The following ITGAL variants were observed in gnomAD, a reference collection of about 807,000 sequenced individuals.
ITGAL encodes integrin alpha-L.
Under a neutral mutation model 138.4 loss-of-function variants are expected in ITGAL, and 68 were observed. The ratio of observed to expected loss-of-function variants is 0.49; its 90% CI spans 0.40 to 0.60. The LOEUF (loss-of-function observed/expected upper bound fraction) is 0.60. Ranked by LOEUF, ITGAL falls within the 20% of genes least tolerant of loss-of-function variation. The pLI, the probability that ITGAL is intolerant of heterozygous loss-of-function variation, is 0.00. For synonymous variants in ITGAL, 561 were observed against 584.3 expected (o/e 0.96, Z 0.57); for missense variants, 1,256 against 1,478.6 (o/e 0.85, Z 2.47).
At chr16:30,499,028 T>A in intron 15 of ITGAL, 46 bp from the exon 16 acceptor site, 1 of 1,585,260 alleles carries the variant, frequency 6.3e-7, no homozygotes, top group Non-Finnish European at 8.6e-7. Context: ...AGGGGGGACG[T>A]GCAGTTGGGT....
chr16:30,514,928 A>G (rs979464791), intron 25 of ITGAL, among the ~76,000 whole-genome samples: 2 of 150,628 alleles, frequency 1.3e-5, no homozygotes, highest in African/African-American at 4.9e-5. Flanking sequence ...GGATTCAAGC[A>G]ATTCTCCTGC....
chr16:30,490,193 A>T (rs572548217), intron 11 of ITGAL, among the ~76,000 whole-genome samples: 2 of 137,892 alleles, frequency 1.5e-5, no homozygotes, highest in Admixed American at 8.7e-5. Context: ...ATGCCACTGC[A>T]CTCCAGCCAA....
At chr16:30,489,837 G>C (rs1311502665) in intron 11 of ITGAL, among the ~76,000 whole-genome samples, 1 of 152,180 alleles carries the variant, frequency 6.6e-6, no homozygotes, top group Non-Finnish European at 1.5e-5. Flanking sequence ...TCTGGAGGCT[G>C]AGGCAGGAGA....
intron 1 of ITGAL, among the ~76,000 whole-genome samples, chr16:30,473,398 A>C (rs1341900022): frequency 1.3e-5 from 2 of 152,166 alleles, no homozygotes; most frequent in Non-Finnish European, 1.5e-5. Context: ...GTGCCAATGC[A>C]CTCCAGCCTG....
intron 20 of ITGAL, among the ~76,000 whole-genome samples, chr16:30,506,367 C>A (rs1442754771): frequency 6.7e-6 from 1 of 148,512 alleles, no homozygotes; most frequent in Non-Finnish European, 1.5e-5. Context: ...TCCTGGCTAA[C>A]ACAGTGAAAC....
At chr16:30,519,337 T>C (rs944885390) in intron 29 of ITGAL, among the ~76,000 whole-genome samples, 2 of 151,428 alleles carry the variant, frequency 1.3e-5, no homozygotes, top group Non-Finnish European at 2.9e-5. Flanking sequence ...GAGCTATGAT[T>C]ATGCCACTAC....
intron 6 of ITGAL, chr16:30,481,143 A>AACACAC (rs60456127): frequency 0.021 from 4,560 of 215,960 alleles, 57 homozygotes; most frequent in African/African-American, 0.049. Context: ...CTCTACTAAA[A>AACACAC]ACACACACAC....
At chr16:30,501,759 G>A (rs947317267) in intron 17 of ITGAL, among the ~76,000 whole-genome samples, 12 of 152,090 alleles carry the variant, frequency 7.9e-5, no homozygotes, top group African/African-American at 2.9e-4. Flanking sequence ...GTTAAAACAG[G>A]CCAGGCACGG....
intron 9 of ITGAL, among the ~76,000 whole-genome samples, chr16:30,486,722 G>A (rs2050652371): frequency 6.6e-6 from 1 of 152,108 alleles, no homozygotes; most frequent in Non-Finnish European, 1.5e-5. Context: ...TTGGCAGGGA[G>A]GTAAGGGTCT....
intron 4 of ITGAL, among the ~76,000 whole-genome samples, 168 bp from the exon 5 acceptor site, chr16:30,478,923 A>G (rs958272387): frequency 6.6e-6 from 1 of 152,012 alleles, no homozygotes; most frequent in Non-Finnish European, 1.5e-5. Flanking sequence ...GATGGGAGGG[A>G]TGGACAGTAG....
intron 25 of ITGAL, among the ~76,000 whole-genome samples, chr16:30,514,978 C>G (rs568406778): frequency 1.3e-5 from 2 of 151,818 alleles, no homozygotes; most frequent in Non-Finnish European, 2.9e-5. Flanking sequence ...GCGCCCACCA[C>G]CACGCCAGGC....
chr16:30,497,002 G>A (rs1384419032), intron 15 of ITGAL, among the ~76,000 whole-genome samples: 1 of 151,870 alleles, frequency 6.6e-6, no homozygotes, highest in Non-Finnish European at 1.5e-5. Flanking sequence ...GCTCACACCT[G>A]TAATCCCAGA....
At position 30,496,637 on chromosome 16, in the gene ITGAL, T is replaced by C. The variant is rs536639337; in HGVS notation, c.1832+71T>C. The C allele has an allele frequency of 2.2e-6, 3 of 1,382,590 alleles. No homozygotes were observed. The African/African-American group carries it at 4.5e-5, about 21-fold the overall frequency. 85.6% of individuals were successfully genotyped at this position (1,382,590 alleles called of 1,614,324 possible). ...CCTGTTTTGTTTATATTTTATTTTA[T>C]TTATTTATTTTGGTTTTTTTTAGAG... On this transcript the variant is annotated intron_variant, in intron 15 of 30. Transcript: ENST00000356798.
At chr16:30,511,225 C>G in intron 24 of ITGAL, 89 bp downstream of exon 24, 2 of 966,856 alleles carry the variant, frequency 2.1e-6, no homozygotes, top group Non-Finnish European at 3.4e-6. Context: ...GGCTCTCCTT[C>G]TGAACCTCCT....
chr16:30,513,032 T>G (rs1197551796), intron 24 of ITGAL, among the ~76,000 whole-genome samples: 1 of 152,158 alleles, frequency 6.6e-6, no homozygotes, highest in Non-Finnish European at 1.5e-5. Flanking sequence ...TGCCACACAG[T>G]ATGATACTGA....
At chr16:30,506,631 C>G (rs887472151) in intron 20 of ITGAL, 84 bp from the exon 21 acceptor site, 1 of 567,426 alleles carries the variant, frequency 1.8e-6, no homozygotes. Flanking sequence ...TGATTTATTT[C>G]TTTCTGGCCC....
chr16:30,485,119 CTCCT>C (rs35487696), intron 9 of ITGAL, among the ~76,000 whole-genome samples: 140 of 151,338 alleles, frequency 9.3e-4, no homozygotes, highest in African/African-American at 3.3e-3. Context: ...CCTTCTTTCT[CTCCT>C]TCCTTCCTTC....
At chr16:30,489,057 A>G in intron 9 of ITGAL, 25 bp from the exon 10 acceptor site, 1 of 1,604,672 alleles carries the variant, frequency 6.2e-7, no homozygotes, top group South Asian at 1.1e-5. Flanking sequence ...GTTGGGTCTC[A>G]CCTGTTCTCT....
intron 17 of ITGAL, 155 bp from the exon 18 acceptor site, chr16:30,504,020 T>C: frequency 8.0e-6 from 5 of 623,350 alleles, no homozygotes; most frequent in South Asian, 7.2e-5. Context: ...TGTACACACC[T>C]GCTATGTAGT....
Sources: gnomAD v4.1 joint callset for allele counts (sites outside exome capture counted in the v4.1 genomes callset) on GRCh38, gnomAD v4.1.1 for gene constraint, MANE v1.5 for transcripts, NCBI Gene and HGNC (gene_info 2026-07-23, HGNC 2026-07-21) for gene names.